Variants in SNTB2 observed in about 807,000 individuals in gnomAD.
SNTB2 encodes the protein syntrophin beta 2.
SNTB2 carries 34 observed loss-of-function variants against 46.2 expected under a neutral mutation model. That is an observed-to-expected ratio of 0.74 (90% confidence interval 0.56 to 0.98). The LOEUF is 0.98. Ranked by LOEUF, SNTB2 falls within the 50% of genes least tolerant of loss-of-function variation. SNTB2 has a pLI of 0.00. For missense variants in SNTB2, 603 were observed against 731.4 expected (o/e 0.82, Z 2.02); for synonymous variants, 290 against 312.6 (o/e 0.93, Z 0.76).
At chr16:69,257,639 G>A (rs1173591087) in intron 2 of SNTB2, among the ~76,000 whole-genome samples, 3 of 152,034 alleles carry the variant, frequency 2.0e-5, no homozygotes, top group Non-Finnish European at 4.4e-5. Flanking sequence ...TAGAGACGGG[G>A]TTTCACCATG....
At chr16:69,219,213 CA>C (rs1481491926) in intron 1 of SNTB2, among the ~76,000 whole-genome samples, 1 of 152,068 alleles carries the variant, frequency 6.6e-6, no homozygotes, top group Non-Finnish European at 1.5e-5. Context: ...CCATAAATAC[CA>C]TATTATGAAC....
At chr16:69,218,662 C>T (rs1964372151) in intron 1 of SNTB2, among the ~76,000 whole-genome samples, 1 of 152,132 alleles carries the variant, frequency 6.6e-6, no homozygotes, top group South Asian at 2.1e-4. Flanking sequence ...ACCTCGTGAT[C>T]CACCTGCCTC....
chr16:69,308,979 A>C lies in SNTB2; in HGVS notation c.*8055A>C, dbSNP rs530330908. 6.5e-6 allele frequency: 1 copy of C among 152,686 alleles called. No individual in the cohort carries two copies. Among genetic ancestry groups the C allele is most frequent in the Non-Finnish European group, 1.5e-5 (1 of 68,014 alleles). 9.5% of individuals were successfully genotyped at this position (152,686 alleles called of 1,614,324 possible). Reference sequence around the variant, plus strand: ...ACATTACAATGAAAATGTGTAACTTAAGGGTATTATATATATAAATACATA... The same window carrying C: ...ACATTACAATGAAAATGTGTAACTTCAGGGTATTATATATATAAATACATA... On this transcript the variant is annotated 3_prime_UTR_variant, in exon 7 of 7. Transcript: ENST00000336278.
At chr16:69,297,124 G>T (rs1965233689) in intron 5 of SNTB2, among the ~76,000 whole-genome samples, 2 of 151,438 alleles carry the variant, frequency 1.3e-5, no homozygotes, top group African/African-American at 4.9e-5. Context: ...GGGCAAGATG[G>T]CAAAACCCCG....
rs369699810 is a variant in SNTB2, at chr16:69,200,988, A to G, written c.580+13242A>G. Among the ~76,000 whole-genome samples, 38 of 152,318 alleles carry G rather than the reference A, an allele frequency of 2.5e-4. No individual in the cohort carries two copies. In the East Asian group the frequency reaches 6.9e-3, roughly 28 times the overall value. On this transcript the variant is annotated intron_variant, in intron 1 of 6. Transcript: ENST00000336278. ...ACACTTTACCGAGTTGCTGCAGCCA[A>G]TTCGTTTATATGTCACTGAAAACTC...
chr16:69,257,035 G>A (rs1243912553), intron 2 of SNTB2, among the ~76,000 whole-genome samples: 1 of 152,046 alleles, frequency 6.6e-6, no homozygotes. Context: ...GCCAGGCTTG[G>A]TGGCATGTAC....
chr16:69,199,420 C>T (rs1964137859), intron 1 of SNTB2, among the ~76,000 whole-genome samples: 1 of 151,936 alleles, frequency 6.6e-6, no homozygotes, highest in African/African-American at 2.4e-5. Context: ...TTCAAATCTA[C>T]ACAGGCAGCA....
At chr16:69,231,054 C>G (rs1964502126) in intron 1 of SNTB2, 1 of 152,290 alleles carries the variant, frequency 6.6e-6, no homozygotes. Flanking sequence ...CAACCCGTTT[C>G]TTATGCAAAC....
chr16:69,281,485 G>GTTTTTTTTTTTTTTTTTTTTTTTTTT (rs575825315), intron 4 of SNTB2, among the ~76,000 whole-genome samples: 2 of 135,826 alleles, frequency 1.5e-5, no homozygotes, highest in African/African-American at 2.7e-5. Flanking sequence ...GTAAGGTCTG[G>GTTTTTTTTTTTTTTTTTTTTTTTTTT]TTTTTTTTTT....
In SNTB2 at chr16:69,299,712, A is replaced by T. The variant is rs753130822; in HGVS notation, c.1468A>T (p.Met490Leu). 31 of 1,613,988 alleles carry T rather than the reference A, an allele frequency of 1.9e-5. No individual in the cohort carries two copies. Among genetic ancestry groups the T allele is most frequent in the Non-Finnish European group, 2.5e-5 (29 of 1,180,014 alleles). ...CCGCTACCCCTTTGAAAGGCTGAAG[A>T]TGTCTGCTGATGATGGCATCCGAAA... Reference protein sequence around the residue: ...LYRYPFERLKMSADDGIRNLY... With the variant: ...LYRYPFERLKLSADDGIRNLY... Residue 490 changes from methionine (M) to leucine (L), a missense_variant, in exon 6 of 7, where the codon ATG (methionine) becomes TTG (leucine). By Grantham distance (15) the Met-to-Leu change is conservative. This residue lies in a region of SNTB2 where 537 missense variants were observed against 692.4 expected (regional missense o/e 0.78). Coordinates refer to ENST00000336278, the MANE Select transcript of SNTB2 (RefSeq NM_006750.4).
Position 69,279,550 on chromosome 16 carries a change from G to A in SNTB2, c.1149-4498G>A, listed in dbSNP as rs551989241. Among the ~76,000 whole-genome samples, 196 of 84,860 alleles carry A rather than the reference G, an allele frequency of 2.3e-3. No homozygotes were observed. In the Middle Eastern group the frequency reaches 0.035, roughly 15 times the overall value. The allele number at this position is 84,860 out of a possible 152,430, so 55.7% of individuals were successfully genotyped here. A position where few individuals can be genotyped will look rare whatever the true frequency, so the allele number is the denominator to read the frequency against. On this transcript the variant is annotated intron_variant, in intron 4 of 6. Coordinates refer to ENST00000336278, the MANE Select transcript of SNTB2 (RefSeq NM_006750.4). ...TTTTTTTTTTTTTTTTTTTGAGACG[G>A]AATCTCACTCTGTCGCCCAGGCTGG...
At chr16:69,217,565 G>A (rs2152293101) in intron 1 of SNTB2, among the ~76,000 whole-genome samples, 1 of 152,276 alleles carries the variant, frequency 6.6e-6, no homozygotes, top group Admixed American at 6.5e-5. Context: ...GACTACTTCA[G>A]TTTTTAACTA....
chr16:69,202,009 C>T (rs925174019), intron 1 of SNTB2, among the ~76,000 whole-genome samples: 4 of 152,150 alleles, frequency 2.6e-5, no homozygotes, highest in African/African-American at 9.7e-5. Flanking sequence ...CTTGTTTACA[C>T]CTGATGTTTA....
rs974982921 is a variant in SNTB2, at chr16:69,272,618, G to A, written c.1148+2333G>A. Among the ~76,000 whole-genome samples the A allele has an allele frequency of 4.6e-5, 7 of 150,968 alleles. No homozygotes were observed. In the South Asian group the frequency reaches 1.3e-3, roughly 27 times the overall value. ...ACCCAATTAAGAAATGGGGCTGGGC[G>A]CAGTGGCTCACGCCTGTAATCACAA... is the stretch of plus-strand genomic sequence containing the variant. On this transcript the variant is annotated intron_variant, in intron 4 of 6. Coordinates refer to ENST00000336278, the MANE Select transcript of SNTB2 (RefSeq NM_006750.4).
chr16:69,248,917 A>G (rs1394298064), intron 2 of SNTB2, among the ~76,000 whole-genome samples: 1 of 150,968 alleles, frequency 6.6e-6, no homozygotes, highest in African/African-American at 2.4e-5. Flanking sequence ...AATTAAATAG[A>G]ATGGAGAAAC....
intron 4 of SNTB2, among the ~76,000 whole-genome samples, chr16:69,279,136 A>T (rs1401737422): frequency 6.6e-6 from 1 of 152,134 alleles, no homozygotes; most frequent in Admixed American, 6.5e-5. Flanking sequence ...ATCTTGCAAA[A>T]CAAACTTTAT....
chr16:69,274,225 T>C (rs1490883519), intron 4 of SNTB2, among the ~76,000 whole-genome samples: 1 of 150,480 alleles, frequency 6.6e-6, no homozygotes, highest in Non-Finnish European at 1.5e-5. Flanking sequence ...GGCAGAAGAA[T>C]CGATTGAACC....
At chr16:69,229,163 A>G (rs573559904) in intron 1 of SNTB2, among the ~76,000 whole-genome samples, 1 of 152,028 alleles carries the variant, frequency 6.6e-6, no homozygotes, top group East Asian at 1.9e-4. Context: ...TTTTTTCATT[A>G]TTATTTGATG....
chr16:69,272,956 A>T (rs1435070398), intron 4 of SNTB2, among the ~76,000 whole-genome samples: 3 of 152,186 alleles, frequency 2.0e-5, no homozygotes, highest in African/African-American at 7.2e-5. Flanking sequence ...GAAGATATAC[A>T]AATGGCCAAT....
Sources: gnomAD v4.1 joint callset for allele counts (sites outside exome capture counted in the v4.1 genomes callset) on GRCh38, gnomAD v4.1.1 for gene constraint, gnomAD v4.1.1 regional missense constraint, MANE v1.5 for transcripts, NCBI Gene and HGNC (gene_info 2026-07-23, HGNC 2026-07-21) for gene names.